Variants in TASP1 observed in about 807,000 individuals in gnomAD.
The protein encoded by TASP1 is taspase 1.
A neutral mutation model predicts 56.6 loss-of-function variants in TASP1; 16 were observed. The ratio of observed to expected loss-of-function variants is 0.28; its 90% CI spans 0.19 to 0.43. The LOEUF (loss-of-function observed/expected upper bound fraction) is 0.43. Among genes scored for constraint, TASP1 ranks in the 20% least tolerant of loss-of-function variants. The probability of loss-of-function intolerance (pLI) is 1.00; values close to 1 mark genes in which losing one functional copy is unlikely to be tolerated. For synonymous variants in TASP1, 179 were observed against 184.2 expected, an observed-to-expected ratio of 0.97 and a Z score of 0.23; for missense variants, 393 against 511.6, an observed-to-expected ratio of 0.77 and a Z score of 2.24.
chr20:13,588,391 T>A (rs1043317875), intron 4 of TASP1, among the ~76,000 whole-genome samples: 1 of 152,018 alleles, frequency 6.6e-6, no homozygotes, highest in Non-Finnish European at 1.5e-5. Context: ...AGTAAAATTG[T>A]CTGTTTCAAG....
At chr20:13,474,378 A>C (rs1404441901) in intron 11 of TASP1, among the ~76,000 whole-genome samples, 2 of 152,212 alleles carry the variant, frequency 1.3e-5, no homozygotes, top group Non-Finnish European at 2.9e-5. Context: ...AAGTGAGAAC[A>C]TATGATATTT....
chr20:13,402,122 T>G (rs2041760335), intron 13 of TASP1, among the ~76,000 whole-genome samples: 1 of 152,216 alleles, frequency 6.6e-6, no homozygotes. Flanking sequence ...TGAGAATAAT[T>G]TGAATACATA....
chr20:13,383,693 C>T, the TASP1 span, among the ~76,000 whole-genome samples: 1 of 152,182 alleles, frequency 6.6e-6, no homozygotes, highest in Non-Finnish European at 1.5e-5. Context: ...GTAAGAAGGA[C>T]ACTCAGCCAT....
the TASP1 span, among the ~76,000 whole-genome samples, chr20:13,334,252 G>C: frequency 1.3e-5 from 2 of 152,204 alleles, no homozygotes; most frequent in Non-Finnish European, 2.9e-5. Flanking sequence ...GCAATATATA[G>C]AACAGTGAGA....
intron 11 of TASP1, among the ~76,000 whole-genome samples, chr20:13,459,253 C>T (rs976763906): frequency 1.3e-5 from 2 of 152,130 alleles, no homozygotes; most frequent in South Asian, 4.1e-4. Context: ...CCAGTAACAT[C>T]ACCTCTTGCG....
chr20:13,581,554 A>G (rs747171703), intron 5 of TASP1, among the ~76,000 whole-genome samples: 34 of 152,216 alleles, frequency 2.2e-4, no homozygotes, highest in Non-Finnish European at 4.1e-4. Flanking sequence ...CCAACTGTGT[A>G]AAAGATTGTA....
At chr20:13,508,228 CA>C (rs952750980) in intron 10 of TASP1, among the ~76,000 whole-genome samples, 2 of 150,392 alleles carry the variant, frequency 1.3e-5, no homozygotes, top group Non-Finnish European at 3.0e-5. Flanking sequence ...GCACAGGCAA[CA>C]AAAGCAAAAA....
At chr20:13,450,937 C>A (rs1433846452) in intron 11 of TASP1, among the ~76,000 whole-genome samples, 1 of 152,100 alleles carries the variant, frequency 6.6e-6, no homozygotes, top group Non-Finnish European at 1.5e-5. Context: ...CTATCTATGG[C>A]AGCTATAGCC....
At chr20:13,164,520 T>C in the TASP1 span, 2 of 561,440 alleles carry the variant, frequency 3.6e-6, no homozygotes, top group Non-Finnish European at 6.5e-6. Flanking sequence ...CAAAATAAAA[T>C]AAACATTCAT....
chr20:13,185,871 C>A, the TASP1 span, among the ~76,000 whole-genome samples: 1 of 152,176 alleles, frequency 6.6e-6, no homozygotes, highest in Non-Finnish European at 1.5e-5. Flanking sequence ...AGTCATCACT[C>A]CCATCCTTAT....
the TASP1 span, among the ~76,000 whole-genome samples, chr20:13,210,292 A>T: frequency 6.6e-5 from 10 of 152,306 alleles, no homozygotes; most frequent in African/African-American, 2.4e-4. Context: ...GTGAACTATT[A>T]GGACTAAGGT....
At chr20:13,527,778 A>C (rs1228133168) in intron 10 of TASP1, among the ~76,000 whole-genome samples, 1 of 146,850 alleles carries the variant, frequency 6.8e-6, no homozygotes, top group Non-Finnish European at 1.5e-5. Context: ...TTATGTCAAC[A>C]TTTTACTCAA....
At chr20:13,342,778 C>G in the TASP1 span, among the ~76,000 whole-genome samples, 1 of 152,202 alleles carries the variant, frequency 6.6e-6, no homozygotes. Context: ...ATCACACCCT[C>G]CCTTCTGGAC....
At chr20:13,446,460 CA>C (rs1253438178) in intron 11 of TASP1, among the ~76,000 whole-genome samples, 1 of 152,058 alleles carries the variant, frequency 6.6e-6, no homozygotes, top group Non-Finnish European at 1.5e-5. Flanking sequence ...AAATGTACTA[CA>C]AAAACCACCC....
At chr20:13,498,796 CAAAAA>C (rs34158191) in intron 10 of TASP1, among the ~76,000 whole-genome samples, 4 of 130,048 alleles carry the variant, frequency 3.1e-5, no homozygotes, top group Non-Finnish European at 4.9e-5. Context: ...ATAAAAAAGG[CAAAAA>C]AAAAAAAAAA....
the TASP1 span, among the ~76,000 whole-genome samples, chr20:13,309,125 A>T: frequency 1.5e-3 from 229 of 152,332 alleles, 3 homozygotes; most frequent in African/African-American, 5.1e-3. Context: ...AAAACTCACA[A>T]TGCAAGGCTA....
chr20:13,551,896 T>G (rs892050335), intron 8 of TASP1, among the ~76,000 whole-genome samples: 1 of 152,176 alleles, frequency 6.6e-6, no homozygotes, highest in African/African-American at 2.4e-5. Flanking sequence ...CTGATAAGTA[T>G]TCCAACAATG....
chr20:13,510,638 A>T (rs1430163821), intron 10 of TASP1, among the ~76,000 whole-genome samples: 1 of 152,154 alleles, frequency 6.6e-6, no homozygotes, highest in Non-Finnish European at 1.5e-5. Flanking sequence ...AGCTAATTAA[A>T]TTTAAATTTA....
chr20:13,634,710 A>AC (rs1327036945), intron 1 of TASP1, among the ~76,000 whole-genome samples: 16 of 149,428 alleles, frequency 1.1e-4, no homozygotes, highest in East Asian at 7.9e-4. Flanking sequence ...AGCCTGGGCA[A>AC]AAGAGGGAAA....
Sources: gnomAD v4.1 joint callset for allele counts (sites outside exome capture counted in the v4.1 genomes callset) on GRCh38, gnomAD v4.1.1 for gene constraint, MANE v1.5 for transcripts, NCBI Gene and HGNC (gene_info 2026-07-23, HGNC 2026-07-21) for gene names.